SRGAP2C: variants seen among roughly 807,000 people sequenced by gnomAD.
The protein encoded by SRGAP2C is SLIT-ROBO Rho GTPase-activating protein 2C.
Under a neutral mutation model 25.1 loss-of-function variants are expected in SRGAP2C, and 15 were observed. The ratio of observed to expected loss-of-function variants is 0.60; its 90% CI spans 0.40 to 0.92. The LOEUF is 0.92. Ranked by LOEUF, SRGAP2C falls within the 40% of genes least tolerant of loss-of-function variation. The pLI is 0.00. For missense variants in SRGAP2C, 144 were observed against 264.4 expected, an observed-to-expected ratio of 0.54 and a Z score of 3.16; for synonymous variants, 44 against 96.6, an observed-to-expected ratio of 0.46 and a Z score of 3.19.
chr1:121,322,941 G>A (rs1279256522), intron 3 of SRGAP2C, among the ~76,000 whole-genome samples: 1 of 152,138 alleles, frequency 6.6e-6, no homozygotes, highest in Non-Finnish European at 1.5e-5. Context: ...AAGGGGGAAA[G>A]AAACAGATAG....
In SRGAP2C at chr1:121,239,279, ATAC is replaced by A. The variant is rs1213810582; in HGVS notation, c.68-45521_68-45519del. 6.6e-4 allele frequency among the ~76,000 whole-genome samples: 2 copies of A among 3,010 alleles called. 1 individual carries two copies. The highest frequency in any genetic ancestry group is 0.013 in the South Asian group (2 of 156). 2.0% of individuals were successfully genotyped at this position (3,010 alleles called of 152,430 possible). A position where few individuals can be genotyped will look rare whatever the true frequency, so the allele number is the denominator to read the frequency against. On this transcript the variant is annotated intron_variant, in intron 2 of 9. Transcript: ENST00000367123. The stretch of plus-strand genomic sequence containing the variant: ...ATATATATATATACTATATATATAT[ATAC>A]TATATATATATATATATACATGCAA...
At chr1:121,230,591 G>C (rs1655789313) in intron 2 of SRGAP2C, among the ~76,000 whole-genome samples, 1 of 147,470 alleles carries the variant, frequency 6.8e-6, no homozygotes, top group East Asian at 2.0e-4. Context: ...TCAGGGCCCT[G>C]CTGTTCCCTC....
chr1:121,191,764 G>C (rs28574860), intron 2 of SRGAP2C, among the ~76,000 whole-genome samples: 89,886 of 149,686 alleles, frequency 0.6, 27,212 homozygotes, highest in East Asian at 0.76. Context: ...TATACCTTGA[G>C]TTTTTACAGT....
intron 8 of SRGAP2C, among the ~76,000 whole-genome samples, chr1:121,385,795 C>A (rs1430063244): frequency 6.6e-6 from 1 of 151,530 alleles, no homozygotes; most frequent in East Asian, 2.0e-4. Context: ...CATCCCATAA[C>A]CACATCTCCA....
intron 2 of SRGAP2C, among the ~76,000 whole-genome samples, chr1:121,267,909 AT>A (rs1258744629): frequency 6.6e-6 from 1 of 151,952 alleles, no homozygotes; most frequent in Non-Finnish European, 1.5e-5. Flanking sequence ...AATACTCATT[AT>A]AAAAAATTCA....
At chr1:121,211,458 C>CACACAG (rs1553323708) in intron 2 of SRGAP2C, among the ~76,000 whole-genome samples, 2 of 139,394 alleles carry the variant, frequency 1.4e-5, no homozygotes. Context: ...CACACACACA[C>CACACAG]ACATCTTACC....
chr1:121,280,246 A>G (rs1325197955), intron 2 of SRGAP2C, among the ~76,000 whole-genome samples: 1 of 148,826 alleles, frequency 6.7e-6, no homozygotes, highest in Non-Finnish European at 1.5e-5. Flanking sequence ...GGGAAGCTGC[A>G]ATTTTTATTC....
At chr1:121,337,531 C>T (rs1658544398) in intron 4 of SRGAP2C, among the ~76,000 whole-genome samples, 1 of 151,414 alleles carries the variant, frequency 6.6e-6, no homozygotes, top group South Asian at 2.1e-4. Context: ...ACTCAGGAGG[C>T]TTAGGGAGGA....
At chr1:121,277,223 G>A (rs1352174924) in intron 2 of SRGAP2C, among the ~76,000 whole-genome samples, 5 of 145,210 alleles carry the variant, frequency 3.4e-5, no homozygotes, top group African/African-American at 7.6e-5. Flanking sequence ...TATGTAATAT[G>A]AATTGTTATG....
intron 4 of SRGAP2C, among the ~76,000 whole-genome samples, chr1:121,328,901 A>C (rs1242219714): frequency 1.2e-4 from 15 of 125,532 alleles, no homozygotes; most frequent in African/African-American, 2.1e-4. Flanking sequence ...AAAAAAAAAA[A>C]AAAACAAAAA....
chr1:121,324,360 AT>A (rs1570783703), intron 3 of SRGAP2C, 117 bp from the exon 4 acceptor site: 8 of 707,306 alleles, frequency 1.1e-5, no homozygotes, highest in East Asian at 2.5e-5. Flanking sequence ...TTCAGGAAAA[AT>A]ATCTTTATTT....
At chr1:121,374,719 G>C (rs1248310065) in intron 6 of SRGAP2C, 107 bp from the exon 7 acceptor site, 10 of 643,954 alleles carry the variant, frequency 1.6e-5, no homozygotes, top group African/African-American at 1.3e-4. Context: ...TGCGCATAGG[G>C]AGTAGCAACA....
chr1:121,320,896 G>A lies in SRGAP2C; in HGVS notation c.261-3582G>A, dbSNP rs1553341065. Among the ~76,000 whole-genome samples, 26 of 152,170 alleles carry A rather than the reference G, an allele frequency of 1.7e-4. No homozygotes were observed. In the East Asian group the frequency reaches 1.9e-3, roughly 11 times the overall value. On this transcript the variant is annotated intron_variant, in intron 3 of 9. Coordinates refer to ENST00000367123, the MANE Select transcript of SRGAP2C (RefSeq NM_001329984.2). ...ATGTTGATTTTCGCTACCCAACCAC[G>A]GTCTAACATAAACCCAGCCTAGGCC...
chr1:121,282,804 C>T (rs1319457891), intron 2 of SRGAP2C, among the ~76,000 whole-genome samples: 4 of 148,098 alleles, frequency 2.7e-5, no homozygotes, highest in South Asian at 2.1e-4. Context: ...GTGATCCGCC[C>T]GCCTCGGCCT....
At chr1:121,267,849 C>A (rs1656838111) in intron 2 of SRGAP2C, among the ~76,000 whole-genome samples, 1 of 148,624 alleles carries the variant, frequency 6.7e-6, no homozygotes, top group East Asian at 2.0e-4. Context: ...GATGGGTTTC[C>A]TTTTTTAATT....
At chr1:121,363,481 C>CA (rs1553348965) in intron 4 of SRGAP2C, among the ~76,000 whole-genome samples, 1 of 112,438 alleles carries the variant, frequency 8.9e-6, no homozygotes, top group Non-Finnish European at 1.8e-5. Context: ...ATTGTCAAGA[C>CA]AAAAAAATGT....
chr1:121,334,442 G>A (rs1658469260), intron 4 of SRGAP2C, among the ~76,000 whole-genome samples: 1 of 150,214 alleles, frequency 6.7e-6, no homozygotes, highest in African/African-American at 2.5e-5. Flanking sequence ...TTACTTGTAT[G>A]TAATATATCA....
intron 2 of SRGAP2C, among the ~76,000 whole-genome samples, chr1:121,258,561 G>T (rs1317294739): frequency 6.6e-6 from 1 of 151,218 alleles, no homozygotes; most frequent in Non-Finnish European, 1.5e-5. Flanking sequence ...TGCCTCCTGG[G>T]TTCAAGAGAT....
chr1:121,278,371 C>CT (rs2101559536), intron 2 of SRGAP2C, among the ~76,000 whole-genome samples: 1 of 150,598 alleles, frequency 6.6e-6, no homozygotes, highest in South Asian at 2.1e-4. Context: ...TTCTTGGAAA[C>CT]TGACTACTCA....
Sources: gnomAD v4.1 joint callset for allele counts (sites outside exome capture counted in the v4.1 genomes callset) on GRCh38, gnomAD v4.1.1 for gene constraint, MANE v1.5 for transcripts, NCBI Gene and HGNC (gene_info 2026-07-23, HGNC 2026-07-21) for gene names.